ZNF680: variants seen among roughly 807,000 people sequenced by gnomAD.
The protein encoded by ZNF680 is zinc finger protein 680, also known as hypothetical protein FLJ90430.
In ZNF680, 6 loss-of-function variants were observed where a neutral mutation model predicts 12.1. That is an observed-to-expected ratio of 0.49 (90% CI 0.27 to 0.98). ZNF680 has a LOEUF of 0.98. Ranked by LOEUF, ZNF680 falls within the 50% of genes least tolerant of loss-of-function variation. The pLI, the probability that ZNF680 is intolerant of heterozygous loss-of-function variation, is 0.12. For synonymous variants in ZNF680, 170 were observed against 199.3 expected, an observed-to-expected ratio of 0.85 and a Z score of 1.24; for missense variants, 561 against 616.3, an observed-to-expected ratio of 0.91 and a Z score of 0.95.
chr7:64,541,906 G>A (rs888109262), intron 3 of ZNF680, among the ~76,000 whole-genome samples: 28 of 152,036 alleles, frequency 1.8e-4, no homozygotes, highest in Admixed American at 1.7e-3. Flanking sequence ...CACAGTTCAC[G>A]GCCAGTTCTG....
chr7:64,526,370 TTATG>T (rs1791843019), intron 3 of ZNF680: 40 of 1,332,466 alleles, frequency 3.0e-5, no homozygotes, highest in Non-Finnish European at 3.7e-5. Flanking sequence ...TTATGATTCA[TTATG>T]ACTAGCACAG....
chr7:64,502,168 T>G, the ZNF680 span, among the ~76,000 whole-genome samples: 11 of 151,548 alleles, frequency 7.3e-5, no homozygotes, highest in Admixed American at 7.2e-4. Context: ...CAAGCCCGGG[T>G]AATTTTATTT....
rs570201700 is a variant in ZNF680 at position 64,549,139 on chromosome 7, A to C, written c.31-4707T>G. On this transcript the variant is annotated intron_variant, in intron 1 of 3. Transcript: ENST00000309683. ...CGCCTCAAAAAAAGAAAAAAAAAAA[A>C]AAAACAATGAAACTGCCCTGGTGGA... Among the ~76,000 whole-genome samples the C allele has an allele frequency of 1.8e-4, 28 of 152,038 alleles. No individual in the cohort carries two copies. In the South Asian group the frequency reaches 5.2e-3, roughly 28 times the overall value.
intron 1 of ZNF680, among the ~76,000 whole-genome samples, chr7:64,559,776 C>T (rs537912080): frequency 6.6e-6 from 1 of 152,262 alleles, no homozygotes; most frequent in Admixed American, 6.5e-5. Flanking sequence ...GCCACTGTGC[C>T]TGGCCAGGGA....
At chr7:64,508,203 C>T in the ZNF680 span, among the ~76,000 whole-genome samples, 1,280 of 141,742 alleles carry the variant, frequency 9.0e-3, 19 homozygotes, top group African/African-American at 0.031. Context: ...GGAGTGCAGT[C>T]GTGCAATCTC....
the ZNF680 span, chr7:64,500,913 A>T: frequency 1.6e-6 from 1 of 608,678 alleles, no homozygotes; most frequent in Non-Finnish European, 3.2e-6. Context: ...GTGGTCAAGA[A>T]GTGTGATGTG....
At chr7:64,527,603 G>C (rs570115263) in intron 3 of ZNF680, among the ~76,000 whole-genome samples, 1 of 151,962 alleles carries the variant, frequency 6.6e-6, no homozygotes, top group Admixed American at 6.5e-5. Context: ...GCTGAGGCAG[G>C]AGAATCACTT....
At chr7:64,545,869 C>T (rs1786760958) in intron 1 of ZNF680, among the ~76,000 whole-genome samples, 1 of 152,090 alleles carries the variant, frequency 6.6e-6, no homozygotes, top group African/African-American at 2.4e-5. Flanking sequence ...ACTAAGGACC[C>T]CAGCTTTTCC....
intron 3 of ZNF680, among the ~76,000 whole-genome samples, chr7:64,537,896 C>G (rs142394744): frequency 6.6e-6 from 1 of 151,910 alleles, no homozygotes; most frequent in South Asian, 2.1e-4. Flanking sequence ...CACCACTGCA[C>G]TCCAGACTGG....
intron 1 of ZNF680, among the ~76,000 whole-genome samples, chr7:64,556,988 C>T (rs1399477489): frequency 3.3e-5 from 5 of 152,206 alleles, no homozygotes; most frequent in Admixed American, 6.5e-5. Flanking sequence ...CAGTGGCTCA[C>T]GCCTGTAATC....
Position 64,521,811 on chromosome 7 carries a change from TTC to T in ZNF680, c.941_942del (p.Arg314AsnfsTer11). ...NWFATLTNHK[R>X]IHTGEKPFKC... Reference sequence around the variant, plus strand: ...TTGAAGGGTTTCTCTCCAGTATGAATTCTCTTATGGTTAGTAAGGGTTGCAAA... The same window carrying T: ...TTGAAGGGTTTCTCTCCAGTATGAATTCTTATGGTTAGTAAGGGTTGCAAA... On this transcript the variant is annotated frameshift_variant, in exon 4 of 4. Coordinates refer to ENST00000309683, the MANE Select transcript of ZNF680 (RefSeq NM_178558.5). LOFTEE classifies it low-confidence loss of function (END_TRUNC). The T allele has an allele frequency of 6.2e-7, 1 of 1,613,470 alleles. No homozygotes were observed. The highest frequency in any genetic ancestry group is 1.1e-5 in the South Asian group (1 of 91,056).
the ZNF680 span, among the ~76,000 whole-genome samples, chr7:64,502,845 T>C: frequency 2.0e-5 from 3 of 152,092 alleles, no homozygotes; most frequent in Non-Finnish European, 2.9e-5. Context: ...CACTAAAATT[T>C]CACATGCTTA....
intron 3 of ZNF680, among the ~76,000 whole-genome samples, chr7:64,527,040 C>T (rs1584356206): frequency 6.6e-6 from 1 of 152,244 alleles, no homozygotes; most frequent in South Asian, 2.1e-4. Flanking sequence ...GAGTTCGAGG[C>T]CATCCTGGCC....
chr7:64,539,463 G>A (rs992859976), intron 3 of ZNF680, among the ~76,000 whole-genome samples: 1 of 149,754 alleles, frequency 6.7e-6, no homozygotes, highest in Admixed American at 6.7e-5. Flanking sequence ...GGTACTGTAT[G>A]ATTCCACTTA....
Position 64,521,055 on chromosome 7 carries a change from T to A in ZNF680, c.*106A>T. 8.0e-7 allele frequency: 1 copy of A among 1,248,136 alleles called. No homozygotes were observed. Among genetic ancestry groups the A allele is most frequent in the South Asian group, 1.5e-5 (1 of 64,914 alleles). 77.3% of individuals were successfully genotyped at this position (1,248,136 alleles called of 1,614,324 possible). The stretch of plus-strand genomic sequence containing the variant: ...CTTATAAAGTTTTCTCCAATATAAA[T>A]TATCTTACCTACAAGCAAGTGTAAC... On this transcript the variant is annotated 3_prime_UTR_variant, in exon 4 of 4. Transcript: ENST00000309683.
At chr7:64,501,759 C>T in the ZNF680 span, 4 of 844,746 alleles carry the variant, frequency 4.7e-6, no homozygotes, top group Admixed American at 7.0e-5. Flanking sequence ...AATCTTATCC[C>T]AATATTTGTT....
At chr7:64,508,148 A>ATATATATATATATATATATATATTTTT in the ZNF680 span, among the ~76,000 whole-genome samples, 1 of 95,386 alleles carries the variant, frequency 1.0e-5, no homozygotes, top group African/African-American at 5.5e-5. Context: ...TATATACATA[A>ATATATATATATATATATATATATTTTT]TTTTTTTTTT....
intron 1 of ZNF680, chr7:64,551,919 A>G (rs1224969945): frequency 6.6e-6 from 1 of 152,282 alleles, no homozygotes; most frequent in African/African-American, 2.4e-5. Flanking sequence ...AGCTACTCTC[A>G]GCATGAGAAA....
At chr7:64,527,946 T>G (rs934272552) in intron 3 of ZNF680, among the ~76,000 whole-genome samples, 2 of 152,174 alleles carry the variant, frequency 1.3e-5, no homozygotes, top group African/African-American at 4.8e-5. Context: ...AGACTGCTCC[T>G]ACAGGACTCA....
Sources: allele counts gnomAD v4.1 joint callset (sites outside exome capture counted in the v4.1 genomes callset), GRCh38; gene constraint gnomAD v4.1.1; transcripts MANE v1.5; gene names NCBI Gene and HGNC (gene_info 2026-07-23, HGNC 2026-07-21).